CCDC80: variants seen among roughly 807,000 people sequenced by gnomAD.
The protein encoded by CCDC80 is coiled-coil domain containing 80.
CCDC80 carries 49 observed loss-of-function variants against 78.7 expected under a neutral mutation model. The observed-to-expected ratio is 0.62, with a 90% CI of 0.50 to 0.79. The LOEUF (loss-of-function observed/expected upper bound fraction) is 0.79, where lower values mean the gene tolerates loss of function less well. Among genes scored for constraint, CCDC80 ranks in the 30% least tolerant of loss-of-function variants. CCDC80 has a pLI of 0.00. For missense variants in CCDC80, 1,205 were observed against 1,198.6 expected (o/e 1.01, Z -0.08); for synonymous variants, 488 against 447.0 (o/e 1.09, Z -1.16).
At chr3:112,619,157 T>C (rs778984178) in intron 3 of CCDC80, 53 bp from the exon 4 acceptor site, 10 of 1,485,094 alleles carry the variant, frequency 6.7e-6, no homozygotes, top group African/African-American at 1.4e-5. Flanking sequence ...CAGAAATCAT[T>C]GGGAGGTGAA....
chr3:112,623,096 G>T (rs1653299660), intron 3 of CCDC80, among the ~76,000 whole-genome samples: 1 of 152,108 alleles, frequency 6.6e-6, no homozygotes, highest in South Asian at 2.1e-4. Flanking sequence ...TTGAGGTGAG[G>T]GATTCCCAGG....
At chr3:112,607,114 C>G in intron 7 of CCDC80, 62 bp downstream of exon 7, 3 of 1,258,516 alleles carry the variant, frequency 2.4e-6, no homozygotes, top group Non-Finnish European at 3.4e-6. Context: ...TTGCATATAA[C>G]TTAATGTAAT....
chr3:112,638,322 A>G lies in CCDC80; in HGVS notation c.1584T>C (p.Asn528=), dbSNP rs766863633. 1 of 1,613,862 alleles carries G rather than the reference A, an allele frequency of 6.2e-7. No individual in the cohort carries two copies. Among genetic ancestry groups the G allele is most frequent in the East Asian group, 2.2e-5 (1 of 44,878 alleles). The part of the protein sequence containing the change: ...SQLEDELQVG[N]VPLKKAKESK... ...ACTCCTTTGCTTTTTTAAGGGGAAC[A>G]TTCCCCACCTGCAGCTCGTCCTCCA... The change falls in exon 2 of 8, where the codon AAT becomes AAC. Residue 528 remains asparagine, a synonymous_variant. Coordinates refer to ENST00000206423, the MANE Select transcript of CCDC80 (RefSeq NM_199511.3).
intron 1 of CCDC80, 99 bp from the exon 2 acceptor site, chr3:112,640,015 C>T (rs1477843899): frequency 6.9e-7 from 1 of 1,454,206 alleles, no homozygotes; most frequent in African/African-American, 1.4e-5. Context: ...TTTTCTGTAT[C>T]TCAGCCAAGG....
chr3:112,597,257 T>C lies in CCDC80; in HGVS notation c.*8160A>G, dbSNP rs1332160663. On this transcript the variant is annotated 3_prime_UTR_variant, in exon 8 of 8. Transcript: ENST00000206423. ...TTCATATACCTTTACCACGCCTCCT[T>C]CCTCCAATTAGGAAGCTAAGTGGGT... 1.3e-5 allele frequency: 2 copies of C among 152,164 alleles called. No homozygotes were observed. Among genetic ancestry groups the C allele is most frequent in the East Asian group, 3.8e-4 (2 of 5,198 alleles). The allele number at this position is 152,164 out of a possible 1,614,324, so 9.4% of individuals were successfully genotyped here.
At chr3:112,627,111 ATGC>A (rs1935992581) in intron 3 of CCDC80, among the ~76,000 whole-genome samples, 1 of 152,234 alleles carries the variant, frequency 6.6e-6, no homozygotes, top group South Asian at 2.1e-4. Flanking sequence ...AGAAAGAAAC[ATGC>A]TTGCTGTGCA....
chr3:112,604,670 G>T lies in CCDC80; in HGVS notation c.*747C>A, dbSNP rs1284747453. 1.3e-5 allele frequency: 2 copies of T among 152,218 alleles called. No homozygotes were observed. Among genetic ancestry groups the T allele is most frequent in the Non-Finnish European group, 2.9e-5 (2 of 68,068 alleles). The allele number at this position is 152,218 out of a possible 1,614,324, so 9.4% of individuals were successfully genotyped here. A position where few individuals can be genotyped will look rare whatever the true frequency, so the allele number is the denominator to read the frequency against. ...CTGTACAGGGGGTAAAGTGTGAGGG[G>T]TCAAGAATTTTCATGCCAGAAATTC... On this transcript the variant is annotated 3_prime_UTR_variant, in exon 8 of 8. Coordinates refer to ENST00000206423, the MANE Select transcript of CCDC80 (RefSeq NM_199511.3).
chr3:112,637,640 C>A (rs1936233132), intron 2 of CCDC80, among the ~76,000 whole-genome samples: 1 of 152,230 alleles, frequency 6.6e-6, no homozygotes, highest in South Asian at 2.1e-4. Flanking sequence ...TTAGGAATTT[C>A]ATCTTTCTTT....
intron 3 of CCDC80, among the ~76,000 whole-genome samples, chr3:112,625,335 G>A (rs1320048914): frequency 6.6e-6 from 1 of 152,170 alleles, no homozygotes; most frequent in Non-Finnish European, 1.5e-5. Flanking sequence ...AACTTGTGTG[G>A]AGAGAAATCA....
intron 3 of CCDC80, among the ~76,000 whole-genome samples, chr3:112,627,309 C>A (rs1404320010): frequency 6.6e-6 from 1 of 152,172 alleles, no homozygotes; most frequent in Non-Finnish European, 1.5e-5. Context: ...ATTTTAAACC[C>A]CACATGCAAT....
At position 112,600,289 on chromosome 3, in the gene CCDC80, G is replaced by C. The variant is rs1935351221; in HGVS notation, c.*5128C>G. ...CCAAATGATGATCTATGACTTCTCT[G>C]CCTGCTCATTAGAGGAAGAAAAGCT... On this transcript the variant is annotated 3_prime_UTR_variant, in exon 8 of 8. Transcript: ENST00000206423. The C allele has an allele frequency of 6.6e-6, 1 of 152,104 alleles. No homozygotes were observed. Among genetic ancestry groups the C allele is most frequent in the Non-Finnish European group, 1.5e-5 (1 of 68,034 alleles). 9.4% of individuals were successfully genotyped at this position (152,104 alleles called of 1,614,324 possible). A position where few individuals can be genotyped will look rare whatever the true frequency, so the allele number is the denominator to read the frequency against.
At chr3:112,615,161 G>A (rs2107476854) in intron 5 of CCDC80, among the ~76,000 whole-genome samples, 1 of 152,262 alleles carries the variant, frequency 6.6e-6, no homozygotes, top group Non-Finnish European at 1.5e-5. Context: ...TTGGATGAAT[G>A]GTAAGTTCTG....
At chr3:112,639,956 GA>G (rs762479687) in intron 1 of CCDC80, 40 bp from the exon 2 acceptor site, 11 of 1,547,762 alleles carry the variant, frequency 7.1e-6, no homozygotes, top group African/African-American at 5.5e-5. Flanking sequence ...AGGGGAGGGG[GA>G]AAAAAGAAAG....
chr3:112,630,348 G>A, intron 2 of CCDC80, 79 bp from the exon 3 acceptor site: 5 of 1,357,988 alleles, frequency 3.7e-6, no homozygotes, highest in Non-Finnish European at 5.2e-6. Flanking sequence ...GAGATGATTT[G>A]GAAGAGAGGG....
chr3:112,638,948 C>T lies in CCDC80; in HGVS notation c.958G>A (p.Val320Ile). The change falls in exon 2 of 8, where the codon GTC becomes ATC. Residue 320 changes from valine (V) to isoleucine (I), a missense_variant. Transcript: ENST00000206423. ...KKKEDPRRAQ[V>I]PPTRESRVKV... The stretch of plus-strand genomic sequence containing the variant: ...ACCCGACTCTCTCTGGTTGGTGGGA[C>T]TTGTGCTCTCCTTGGGTCCTCTTTC... 6.2e-7 allele frequency: 1 copy of T among 1,613,132 alleles called. No individual in the cohort carries two copies. Among genetic ancestry groups the T allele is most frequent in the Non-Finnish European group, 8.5e-7 (1 of 1,180,008 alleles).
chr3:112,639,761 C>T lies in CCDC80; in HGVS notation c.145G>A (p.Ala49Thr), dbSNP rs1559883596. Residue 49 changes from alanine (A) to threonine (T), a missense_variant, in exon 2 of 8, where the codon GCT becomes ACT. Ala to Thr is a moderately conservative substitution (Grantham distance 58). Coordinates refer to ENST00000206423, the MANE Select transcript of CCDC80 (RefSeq NM_199511.3). ...PLVSPDSSRP[A>T]RFLRHTGRSR... ...CTCCCAGTGTGCCTCAGAAACCGAG[C>T]TGGCCTACTGCTGTCCGGAGAAACC... 5 of 1,614,028 alleles carry T rather than the reference C, an allele frequency of 3.1e-6. No individual in the cohort carries two copies. Among genetic ancestry groups the T allele is most frequent in the Non-Finnish European group, 1.7e-6 (2 of 1,180,030 alleles).
chr3:112,609,934 G>T, intron 6 of CCDC80, 44 bp downstream of exon 6: 1 of 1,330,140 alleles, frequency 7.5e-7, no homozygotes, highest in Non-Finnish European at 1.1e-6. Context: ...TGACCAGGAG[G>T]AGAGTGGTAT....
chr3:112,601,037 T>C lies in CCDC80; in HGVS notation c.*4380A>G, dbSNP rs1189451762. 1 of 152,164 alleles carries C rather than the reference T, an allele frequency of 6.6e-6. No individual in the cohort carries two copies. The highest frequency in any genetic ancestry group is 2.4e-5 in the African/African-American group (1 of 41,424). 9.4% of individuals were successfully genotyped at this position (152,164 alleles called of 1,614,324 possible). A position where few individuals can be genotyped will look rare whatever the true frequency, so the allele number is the denominator to read the frequency against. On this transcript the variant is annotated 3_prime_UTR_variant, in exon 8 of 8. Transcript: ENST00000206423. ...AAAAAATGAGGAGGAAAGTGCTCCA[T>C]CAAGGAAGAGGGATGAGATGGGAGC...
chr3:112,609,779 G>A (rs1442284805), intron 6 of CCDC80, among the ~76,000 whole-genome samples, 199 bp downstream of exon 6: 1 of 148,734 alleles, frequency 6.7e-6, no homozygotes, highest in Non-Finnish European at 1.5e-5. Context: ...AGAATATTGA[G>A]GGAAAAAAAA....
Sources: gnomAD v4.1 joint callset for allele counts (sites outside exome capture counted in the v4.1 genomes callset) on GRCh38, gnomAD v4.1.1 for gene constraint, MANE v1.5 for transcripts, NCBI Gene and HGNC (gene_info 2026-07-23, HGNC 2026-07-21) for gene names.